Variants in RGS6 observed in about 807,000 individuals in gnomAD.
RGS6 encodes regulator of G protein signaling 6, also known as regulator of G-protein signaling 6.
A neutral mutation model predicts 78.5 loss-of-function variants in RGS6; 30 were observed. The observed-to-expected ratio is 0.38, with a 90% CI of 0.29 to 0.52. The LOEUF (loss-of-function observed/expected upper bound fraction) is 0.52, where lower values mean the gene tolerates loss of function less well. Ranked by LOEUF, RGS6 falls within the 20% of genes least tolerant of loss-of-function variation. The pLI is 0.85. For synonymous variants in RGS6, 206 were observed against 206.0 expected, an observed-to-expected ratio of 1.00 and a Z score of 0.00; for missense variants, 495 against 609.7, an observed-to-expected ratio of 0.81 and a Z score of 1.98.
At chr14:72,076,774 C>A (rs751308078) in intron 2 of RGS6, among the ~76,000 whole-genome samples, 63 of 152,084 alleles carry the variant, frequency 4.1e-4, no homozygotes, top group Non-Finnish European at 8.5e-4. Flanking sequence ...TCAAGTAATC[C>A]TCCCACCTCA....
chr14:72,238,827 A>G (rs2051912219), intron 2 of RGS6, among the ~76,000 whole-genome samples: 1 of 152,158 alleles, frequency 6.6e-6, no homozygotes, highest in Admixed American at 6.5e-5. Context: ...ATTAACAAGG[A>G]GATTCATATA....
chr14:72,114,713 A>T (rs894119502), intron 2 of RGS6, among the ~76,000 whole-genome samples: 1 of 152,198 alleles, frequency 6.6e-6, no homozygotes, highest in Non-Finnish European at 1.5e-5. Flanking sequence ...GCAAAATAAG[A>T]TTTAATTCTA....
intron 2 of RGS6, among the ~76,000 whole-genome samples, chr14:72,331,199 G>A (rs2074942543): frequency 6.7e-6 from 1 of 150,304 alleles, no homozygotes; most frequent in Non-Finnish European, 1.5e-5. Context: ...ATCTGCCCTG[G>A]CCTGCTGTCG....
intron 2 of RGS6, among the ~76,000 whole-genome samples, chr14:72,219,563 C>T (rs1157419177): frequency 1.3e-5 from 2 of 152,076 alleles, no homozygotes; most frequent in Non-Finnish European, 2.9e-5. Context: ...TTTTTCCAAC[C>T]AAGTGACTTA....
chr14:72,611,262 G>T, the RGS6 span, among the ~76,000 whole-genome samples: 1 of 152,226 alleles, frequency 6.6e-6, no homozygotes, highest in East Asian at 1.9e-4. Context: ...GCTGTGACAC[G>T]TGTGGAGAAA....
intron 3 of RGS6, among the ~76,000 whole-genome samples, chr14:72,363,309 T>C (rs1232729391): frequency 6.6e-6 from 1 of 152,140 alleles, no homozygotes; most frequent in Non-Finnish European, 1.5e-5. Flanking sequence ...GGAGTCTAGA[T>C]GAGGGAATGT....
chr14:72,283,932 C>T (rs758787263), intron 2 of RGS6, among the ~76,000 whole-genome samples: 13 of 152,132 alleles, frequency 8.5e-5, no homozygotes, highest in Non-Finnish European at 1.5e-4. Flanking sequence ...TTGAGGTGTT[C>T]TCAGATGGAG....
chr14:72,571,493 G>C (rs10149943), downstream of RGS6, among the ~76,000 whole-genome samples: 8 of 152,172 alleles, frequency 5.3e-5, no homozygotes, highest in Non-Finnish European at 1.2e-4. Flanking sequence ...AGATGGAAAA[G>C]AATTGAGAGT....
intron 2 of RGS6, among the ~76,000 whole-genome samples, chr14:72,289,463 C>A (rs1175525241): frequency 6.6e-6 from 1 of 152,206 alleles, no homozygotes; most frequent in East Asian, 1.9e-4. Context: ...CACAGAATCA[C>A]GAAAGCCACG....
chr14:72,547,162 A>G, intron 17 of RGS6: 1 of 1,534,294 alleles, frequency 6.5e-7, no homozygotes, highest in Non-Finnish European at 8.7e-7. Context: ...CCTAGGACAG[A>G]GCCTGCCTCA....
At position 72,530,807 on chromosome 14, in the gene RGS6, C is replaced by T. The variant is rs370574866; in HGVS notation, c.1279-5379C>T. Among the ~76,000 whole-genome samples the T allele has an allele frequency of 7.9e-5, 12 of 152,252 alleles. No homozygotes were observed. In the East Asian group the frequency reaches 1.5e-3, roughly 20 times the overall value. ...ATGGCTGAGCCAAGATTTTCATGCT[C>T]CTCTGAGCTGAGTGTAATCCTCATT... On this transcript the variant is annotated intron_variant, in intron 15 of 17. Transcript: ENST00000553525.
At chr14:72,106,180 G>C (rs1214584269) in intron 2 of RGS6, among the ~76,000 whole-genome samples, 1 of 152,146 alleles carries the variant, frequency 6.6e-6, no homozygotes, top group Non-Finnish European at 1.5e-5. Context: ...TCTAAGTTCT[G>C]TTGATCTGTC....
chr14:72,151,469 G>A (rs1161334445), intron 2 of RGS6, among the ~76,000 whole-genome samples: 1 of 152,182 alleles, frequency 6.6e-6, no homozygotes, highest in African/African-American at 2.4e-5. Flanking sequence ...ACTGAAATCA[G>A]GGCACTGTGT....
At chr14:72,386,315 A>G (rs144334262) in intron 3 of RGS6, among the ~76,000 whole-genome samples, 2,282 of 152,270 alleles carry the variant, frequency 0.015, 64 homozygotes, top group African/African-American at 0.052. Flanking sequence ...AGGCGGGCAG[A>G]CTGCCAGAGC....
upstream of RGS6, among the ~76,000 whole-genome samples, chr14:71,932,183 TCTC>T (rs926960709): frequency 2.0e-5 from 3 of 152,320 alleles, no homozygotes; most frequent in Admixed American, 6.5e-5. Flanking sequence ...TTCTAGGTTT[TCTC>T]CTCCTCGAGC....
chr14:72,280,574 T>C (rs7143932), intron 2 of RGS6, among the ~76,000 whole-genome samples: 26,437 of 152,182 alleles, frequency 0.17, 2,279 homozygotes, highest in Middle Eastern at 0.21. Context: ...ACTAACCTTA[T>C]GCTAGGCACT....
the RGS6 span, among the ~76,000 whole-genome samples, chr14:71,871,492 C>T: frequency 6.6e-6 from 1 of 152,138 alleles, no homozygotes; most frequent in East Asian, 1.9e-4. Context: ...GTCTTTAGCT[C>T]TTTGATCTGA....
chr14:72,546,722 A>C (rs970873847), intron 17 of RGS6, among the ~76,000 whole-genome samples: 2 of 152,094 alleles, frequency 1.3e-5, no homozygotes, highest in African/African-American at 4.8e-5. Context: ...CCAATGTGCC[A>C]AGCAGTCAAG....
At chr14:71,983,197 C>T (rs2094541052) in intron 2 of RGS6, among the ~76,000 whole-genome samples, 1 of 152,082 alleles carries the variant, frequency 6.6e-6, no homozygotes, top group South Asian at 2.1e-4. Context: ...CCTCAAGTCA[C>T]CACAGTAACA....
Sources: allele counts gnomAD v4.1 joint callset (sites outside exome capture counted in the v4.1 genomes callset), GRCh38; gene constraint gnomAD v4.1.1; transcripts MANE v1.5; gene names NCBI Gene and HGNC (gene_info 2026-07-23, HGNC 2026-07-21).